Variants in MUC17 observed in about 807,000 individuals in gnomAD.
The protein encoded by MUC17 is mucin 17, cell surface associated.
Under a neutral mutation model 170.3 loss-of-function variants are expected in MUC17, and 190 were observed. That is an observed-to-expected ratio of 1.12 (90% CI 0.99 to 1.26). The LOEUF (loss-of-function observed/expected upper bound fraction) is 1.26, where lower values mean the gene tolerates loss of function less well. Among genes scored for constraint, MUC17 ranks in the 50% most tolerant of loss-of-function variants. The pLI, the probability that MUC17 is intolerant of heterozygous loss-of-function variation, is 0.00. For synonymous variants in MUC17, 2,325 were observed against 2,002.5 expected, an observed-to-expected ratio of 1.16 and a Z score of -4.30; for missense variants, 6,415 against 5,530.0, an observed-to-expected ratio of 1.16 and a Z score of -5.08.
At chr7:101,045,256 A>G (rs1794817737) in intron 3 of MUC17, among the ~76,000 whole-genome samples, 4 of 152,236 alleles carry the variant, frequency 2.6e-5, no homozygotes, top group African/African-American at 7.2e-5. Context: ...TGCCCACAGA[A>G]CTGCCCAATC....
chr7:101,032,632 G>T lies in MUC17; in HGVS notation c.1216G>T (p.Ala406Ser). The T allele has an allele frequency of 1.9e-6, 3 of 1,613,224 alleles. No individual in the cohort carries two copies. The highest frequency in any genetic ancestry group is 2.5e-6 in the Non-Finnish European group (3 of 1,179,538). ...TNMPVSTILVASSEASTTSTI... is the reference protein window; with the variant it reads ...TNMPVSTILVSSSEASTTSTI... ...TATGCCTGTCAGCACCATATTGGTG[G>T]CCAGTTCTGAGGCTAGCACCACTTC... Residue 406 changes from alanine (A) to serine (S), a missense_variant, in exon 3 of 13, where the codon GCC (alanine) becomes TCC (serine). Physicochemically the swap from Ala to Ser is moderately conservative, Grantham distance 99 (BLOSUM62 1). Coordinates refer to ENST00000306151, the MANE Select transcript of MUC17 (RefSeq NM_001040105.2).
chr7:101,037,606 C>G lies in MUC17; in HGVS notation c.6190C>G (p.Leu2064Val). ...TLVVSSEGNT[L>V]STTPVDSKTQ... is the part of the protein sequence containing the mutation. The stretch of plus-strand genomic sequence containing the variant: ...TGTGGTCAGTTCTGAGGGTAACACC[C>G]TTTCAACAACTCCTGTTGACTCCAA... The change falls in exon 3 of 13, where the codon CTT becomes GTT. Residue 2064 changes from leucine (L) to valine (V), a missense_variant. By Grantham distance (32) the Leu-to-Val change is conservative (BLOSUM62 1). Transcript: ENST00000306151. The G allele has an allele frequency of 3.1e-6, 5 of 1,613,964 alleles. No individual in the cohort carries two copies. Among genetic ancestry groups the G allele is most frequent in the Admixed American group, 1.7e-5 (1 of 60,010 alleles).
At position 101,038,993 on chromosome 7, in the gene MUC17, C is replaced by T. The variant is rs776108731; in HGVS notation, c.7577C>T (p.Pro2526Leu). Residue 2526 changes from proline (P) to leucine (L), a missense_variant, in exon 3 of 13, where the codon CCA becomes CTA. By Grantham distance (98) the Pro-to-Leu change is moderately conservative. Coordinates refer to ENST00000306151, the MANE Select transcript of MUC17 (RefSeq NM_001040105.2). ...ACAAGTATACCTGTCAGCACCACGC[C>T]AGTGGCCAGTCCTGAGGCTAGCACC... is the stretch of plus-strand genomic sequence containing the variant. ...LLTSIPVSTT[P>L]VASPEASTLS... The T allele has an allele frequency of 1.4e-5, 23 of 1,614,002 alleles. No homozygotes were observed. The highest frequency in any genetic ancestry group is 2.7e-5 in the African/African-American group (2 of 74,992).
At chr7:101,051,562 G>T (rs774518935) in intron 7 of MUC17, 51 bp from the exon 8 acceptor site, 6 of 1,584,286 alleles carry the variant, frequency 3.8e-6, no homozygotes, top group South Asian at 1.1e-5. Context: ...CCCTGAGGAC[G>T]CAGAACAAGC....
rs1445213117 is a variant in MUC17 at position 101,033,275 on chromosome 7, C to A, written c.1859C>A (p.Pro620Gln). ...ACAACTGCTGAAGGTACCAGCATGCCAACCTCAACTTACAGTGAAAGAGGC... is the reference window on the plus strand; with the variant it reads ...ACAACTGCTGAAGGTACCAGCATGCAAACCTCAACTTACAGTGAAAGAGGC... Reference protein sequence around the residue: ...SSTTAEGTSMPTSTYSERGTT... With the variant: ...SSTTAEGTSMQTSTYSERGTT... Residue 620 changes from proline to glutamine, a missense_variant, in exon 3 of 13, where the codon CCA (proline) becomes CAA (glutamine). By Grantham distance (76) the Pro-to-Gln change is moderately conservative (BLOSUM62 -1). Transcript: ENST00000306151. 21 of 1,613,922 alleles carry A rather than the reference C, an allele frequency of 1.3e-5. No individual in the cohort carries two copies. The highest frequency in any genetic ancestry group is 1.5e-5 in the Non-Finnish European group (18 of 1,179,976).
chr7:101,048,139 C>T, intron 4 of MUC17, 24 bp downstream of exon 4: 1 of 1,540,302 alleles, frequency 6.5e-7, no homozygotes, highest in Non-Finnish European at 8.8e-7. Flanking sequence ...CAGGCCTTCC[C>T]CCACCCCATG....
rs149515360 is a variant in MUC17 at position 101,034,993 on chromosome 7, A to C, written c.3577A>C (p.Thr1193Pro). 5.7e-4 allele frequency: 915 copies of C among 1,613,898 alleles called. No homozygotes were observed. Among genetic ancestry groups the C allele is most frequent in the Non-Finnish European group, 6.9e-4 (815 of 1,179,926 alleles). Residue 1193 changes from threonine to proline, a missense_variant, in exon 3 of 13, where the codon ACT becomes CCT. By Grantham distance (38) the Thr-to-Pro change is conservative (BLOSUM62 -1). Coordinates refer to ENST00000306151, the MANE Select transcript of MUC17 (RefSeq NM_001040105.2). Reference protein sequence around the residue: ...TPVDSKTQVATSTEASSPPPT... With the variant: ...TPVDSKTQVAPSTEASSPPPT... ...TGTGGACTCCAAAACTCAGGTGGCC[A>C]CTTCTACTGAAGCCAGTTCACCTCC...
chr7:101,040,938 G>A lies in MUC17; in HGVS notation c.9522G>A (p.Met3174Ile). ...TAACATATATGCCTGTCAGCACCAT[G>A]CTGGTAGTCAGTTCTGAGGATAGCA... ...TPLTYMPVST[M>I]LVVSSEDSTL... Residue 3174 changes from methionine to isoleucine, a missense_variant, in exon 3 of 13, where the codon ATG (methionine) becomes ATA (isoleucine). Transcript: ENST00000306151. The A allele has an allele frequency of 6.2e-7, 1 of 1,610,310 alleles. No individual in the cohort carries two copies. Among genetic ancestry groups the A allele is most frequent in the Non-Finnish European group, 8.5e-7 (1 of 1,179,112 alleles).
Position 101,051,800 on chromosome 7 carries a change from C to A in MUC17, c.12944-3C>A, listed in dbSNP as rs754493338. The stretch of plus-strand genomic sequence containing the variant: ...TGTTCCCTGTCCCTGCACCCCCCAC[C>A]AGAGGACTGCCGGAAGATGGCCAAG... On this transcript the variant is annotated splice_polypyrimidine_tract_variant and splice_region_variant and intron_variant, in intron 8 of 12. Coordinates refer to ENST00000306151, the MANE Select transcript of MUC17 (RefSeq NM_001040105.2). 2 of 1,612,900 alleles carry A rather than the reference C, an allele frequency of 1.2e-6. No individual in the cohort carries two copies. Among genetic ancestry groups the A allele is most frequent in the South Asian group, 2.2e-5 (2 of 90,968 alleles).
chr7:101,055,274 T>C (rs934706938), intron 11 of MUC17, among the ~76,000 whole-genome samples: 5 of 151,814 alleles, frequency 3.3e-5, no homozygotes, highest in Non-Finnish European at 7.4e-5. Flanking sequence ...AATCTAGGTA[T>C]CCACTGTCGG....
Position 101,048,048 on chromosome 7 carries a change from C to A in MUC17, c.12468C>A (p.Leu4156=), listed in dbSNP as rs374826266. Residue 4156 remains leucine (L), a synonymous_variant, in exon 4 of 13, where the codon CTC becomes CTA. Transcript: ENST00000306151. Reference sequence around the variant, plus strand: ...AGAATGGAGGCACCTGGGATGGGCTCAAGTGCCAGTGTCCCAACCTCTATT... The same window carrying A: ...AGAATGGAGGCACCTGGGATGGGCTAAAGTGCCAGTGTCCCAACCTCTATT... ...RCKNGGTWDG[L]KCQCPNLYYG... The A allele has an allele frequency of 2.0e-5, 32 of 1,607,986 alleles. No individual in the cohort carries two copies. The highest frequency in any genetic ancestry group is 2.6e-5 in the Non-Finnish European group (31 of 1,177,438).
chr7:101,041,018 C>A lies in MUC17; in HGVS notation c.9602C>A (p.Ala3201Asp). 6.2e-7 allele frequency: 1 copy of A among 1,613,690 alleles called. No individual in the cohort carries two copies. The highest frequency in any genetic ancestry group is 8.5e-7 in the Non-Finnish European group (1 of 1,179,930). Residue 3201 changes from alanine (A) to aspartate (D), a missense_variant, in exon 3 of 13, where the codon GCC becomes GAC. Transcript: ENST00000306151. ...TSTPVTTSTE[A>D]TSSTTAEGTS... Reference sequence around the variant, plus strand: ...ACACCTGTGACCACTTCTACTGAAGCCACTTCATCTACAACTGCTGAAGGT... The same window carrying A: ...ACACCTGTGACCACTTCTACTGAAGACACTTCATCTACAACTGCTGAAGGT...
intron 1 of MUC17, among the ~76,000 whole-genome samples, chr7:101,028,281 G>A (rs755401594): frequency 6.6e-6 from 1 of 150,518 alleles, no homozygotes. Flanking sequence ...AGTAGAGACA[G>A]GGTTTCACTA....
rs1399508413 is a variant in MUC17, at chr7:101,034,664, C to A, written c.3248C>A (p.Ser1083Tyr). 1 of 1,606,934 alleles carries A rather than the reference C, an allele frequency of 6.2e-7. No individual in the cohort carries two copies. The highest frequency in any genetic ancestry group is 8.5e-7 in the Non-Finnish European group (1 of 1,175,916). ...VTTYSQASSSSTTADGTSMPT... is the reference protein window; with the variant it reads ...VTTYSQASSSYTTADGTSMPT... ...ACTTATTCTCAAGCCAGTTCATCTT[C>A]TACAACTGCTGACGGTACCAGCATG... Residue 1083 changes from serine (S) to tyrosine (Y), a missense_variant, in exon 3 of 13, where the codon TCT (serine) becomes TAT (tyrosine). Physicochemically the swap from Ser to Tyr is moderately radical, Grantham distance 144. Transcript: ENST00000306151.
At chr7:101,053,566 A>C in intron 11 of MUC17, 130 bp downstream of exon 11, 2 of 645,334 alleles carry the variant, frequency 3.1e-6, no homozygotes, top group Non-Finnish European at 5.5e-6. Context: ...CCAGGAGCTC[A>C]AGATCAGCCT....
At chr7:101,027,811 G>A (rs1794207688) in intron 1 of MUC17, among the ~76,000 whole-genome samples, 1 of 150,632 alleles carries the variant, frequency 6.6e-6, no homozygotes, top group Non-Finnish European at 1.5e-5. Context: ...TCATTCCATT[G>A]TCCAGACTGG....
intron 12 of MUC17, 83 bp from the exon 13 acceptor site, chr7:101,057,920 T>A: frequency 8.4e-7 from 1 of 1,191,908 alleles, no homozygotes. Flanking sequence ...ACAGAACACT[T>A]CCTATCCCAA....
intron 12 of MUC17, among the ~76,000 whole-genome samples, chr7:101,057,640 G>A (rs1795070857): frequency 6.6e-6 from 1 of 152,218 alleles, no homozygotes; most frequent in Non-Finnish European, 1.5e-5. Context: ...GGCACTTGGG[G>A]AGGTCGAAGT....
At position 101,058,248 on chromosome 7, in the gene MUC17, C is replaced by T. The variant is rs1795083848; in HGVS notation, c.*204C>T. 2.3e-6 allele frequency: 1 copy of T among 429,170 alleles called. No individual in the cohort carries two copies. The highest frequency in any genetic ancestry group is 4.2e-6 in the Non-Finnish European group (1 of 238,778). 26.6% of individuals were successfully genotyped at this position (429,170 alleles called of 1,614,324 possible). A position where few individuals can be genotyped will look rare whatever the true frequency, so the allele number is the denominator to read the frequency against. On this transcript the variant is annotated 3_prime_UTR_variant, in exon 13 of 13. Coordinates refer to ENST00000306151, the MANE Select transcript of MUC17 (RefSeq NM_001040105.2). ...AGAAACCCGTGGACGCTCCAATGGG[C>T]TTGTCATGATATCAGGCTAGGCTTT... is the stretch of plus-strand genomic sequence containing the variant.
Sources: allele counts gnomAD v4.1 joint callset (sites outside exome capture counted in the v4.1 genomes callset), GRCh38; gene constraint gnomAD v4.1.1; transcripts MANE v1.5; gene names NCBI Gene and HGNC (gene_info 2026-07-23, HGNC 2026-07-21).